TBCK: variants seen among roughly 807,000 people sequenced by gnomAD.
TBCK encodes TBC1 domain containing kinase, also known as TBC domain-containing protein kinase-like protein.
Under a neutral mutation model 113.4 loss-of-function variants are expected in TBCK, and 99 were observed. That is an observed-to-expected ratio of 0.87 (90% CI 0.74 to 1.03). The LOEUF (loss-of-function observed/expected upper bound fraction) is 1.03, where lower values mean the gene tolerates loss of function less well. Among genes scored for constraint, TBCK ranks in the 50% least tolerant of loss-of-function variants. The pLI, the probability that TBCK is intolerant of heterozygous loss-of-function variation, is 0.00. For synonymous variants in TBCK, 369 were observed against 370.8 expected, an observed-to-expected ratio of 1.00 and a Z score of 0.05; for missense variants, 1,045 against 1,061.3, an observed-to-expected ratio of 0.98 and a Z score of 0.21.
rs917082916 is a variant in TBCK at position 106,187,562 on chromosome 4, G to A, written c.2059+6047C>T. On this transcript the variant is annotated intron_variant, in intron 22 of 25. Coordinates refer to ENST00000394708, the MANE Select transcript of TBCK (RefSeq NM_001163435.3). ...CTCCTGAGTAGCCAGAATTACAGGC[G>A]CATGCCACCACGCCCAACTAATTTT... Among the ~76,000 whole-genome samples, 7 of 151,896 alleles carry A rather than the reference G, an allele frequency of 4.6e-5. No individual in the cohort carries two copies. In the East Asian group the frequency reaches 5.8e-4, roughly 13 times the overall value.
intron 6 of TBCK, among the ~76,000 whole-genome samples, chr4:106,250,695 T>C (rs555156647): frequency 6.6e-6 from 1 of 152,128 alleles, no homozygotes; most frequent in South Asian, 2.1e-4. Context: ...AAACATTTTA[T>C]ACATCTAAGG....
At chr4:106,245,482 T>C (rs748412869) in intron 10 of TBCK, among the ~76,000 whole-genome samples, 3 of 152,116 alleles carry the variant, frequency 2.0e-5, no homozygotes, top group East Asian at 3.9e-4. Context: ...AAGCATTCTG[T>C]AGTCAGTCCT....
intron 3 of TBCK, among the ~76,000 whole-genome samples, chr4:106,284,043 T>C (rs576441881): frequency 6.6e-6 from 1 of 152,284 alleles, no homozygotes; most frequent in Admixed American, 6.5e-5. Context: ...CAAAAGTTTG[T>C]TGCAAGATAA....
chr4:106,094,807 T>C (rs1312315789), intron 25 of TBCK, among the ~76,000 whole-genome samples: 1 of 152,224 alleles, frequency 6.6e-6, no homozygotes, highest in East Asian at 1.9e-4. Flanking sequence ...TAGGAGCAGA[T>C]TCTTCCCTTT....
intron 3 of TBCK, among the ~76,000 whole-genome samples, chr4:106,293,988 T>C (rs1236505497): frequency 6.6e-6 from 1 of 152,218 alleles, no homozygotes; most frequent in East Asian, 1.9e-4. Flanking sequence ...AATAAAAGTT[T>C]AGACCACATA....
chr4:106,215,403 T>A lies in TBCK; in HGVS notation c.1775-2568A>T, dbSNP rs911572526. On this transcript the variant is annotated intron_variant, in intron 19 of 25. Coordinates refer to ENST00000394708, the MANE Select transcript of TBCK (RefSeq NM_001163435.3). The stretch of plus-strand genomic sequence containing the variant: ...ATGTAAATGGACTAAAGGCTCCAGT[T>A]AAAAGACACAGACTGGCAAATTGGA... Among the ~76,000 whole-genome samples the A allele has an allele frequency of 2.6e-5, 4 of 152,078 alleles. No homozygotes were observed. In the East Asian group the frequency reaches 7.7e-4, roughly 29 times the overall value.
chr4:106,171,411 C>A (rs958765821), intron 22 of TBCK, 141 bp from the exon 23 acceptor site: 31 of 591,718 alleles, frequency 5.2e-5, no homozygotes, highest in African/African-American at 2.7e-4. Context: ...GTAAAAAAAA[C>A]AATGTATATA....
chr4:106,260,463 A>G lies in TBCK; in HGVS notation c.429T>C (p.His143=). 1 of 1,400,280 alleles carries G rather than the reference A, an allele frequency of 7.1e-7. No homozygotes were observed. The highest frequency in any genetic ancestry group is 9.5e-7 in the Non-Finnish European group (1 of 1,056,818). The allele number at this position is 1,400,280 out of a possible 1,614,324, so 86.7% of individuals were successfully genotyped here. ...AKFGLYHMTA[H]GDDVDFPIGY... Reference sequence around the variant, plus strand: ...CTATTGGGAAATCAACATCATCACCATGAGCTGTCATGTGATAAAGTCCAA... The same window carrying G: ...CTATTGGGAAATCAACATCATCACCGTGAGCTGTCATGTGATAAAGTCCAA... The change falls in exon 5 of 26, where the codon CAT becomes CAC. Residue 143 remains histidine, a synonymous_variant. Transcript: ENST00000394708.
intron 25 of TBCK, among the ~76,000 whole-genome samples, chr4:106,078,221 G>A (rs79684377): frequency 0.017 from 2,570 of 152,058 alleles, 34 homozygotes; most frequent in Middle Eastern, 0.093. Context: ...ATTATACCTC[G>A]AGGAACTATA....
chr4:106,085,993 C>T lies in TBCK; in HGVS notation c.2571+9489G>A, dbSNP rs28884214. ...AGCCCTAAATGTCCACATCAGAAAGCTAAAAAGATCTCAAATCGACACCCT... is the reference window on the plus strand; with the variant it reads ...AGCCCTAAATGTCCACATCAGAAAGTTAAAAAGATCTCAAATCGACACCCT... On this transcript the variant is annotated intron_variant, in intron 25 of 25. Transcript: ENST00000394708. 3.7e-3 allele frequency among the ~76,000 whole-genome samples: 568 copies of T among 152,086 alleles called. 3 individuals are homozygous for T. The highest frequency in any genetic ancestry group is 0.013 in the African/African-American group (540 of 41,506).
chr4:106,060,288 C>G (rs1023437065), intron 25 of TBCK, among the ~76,000 whole-genome samples: 4 of 151,696 alleles, frequency 2.6e-5, no homozygotes, highest in Admixed American at 1.3e-4. Flanking sequence ...GAGATCAATG[C>G]CTGGCTTCAA....
rs1400485418 is a variant in TBCK at position 106,214,237 on chromosome 4, C to A, written c.1775-1402G>T. On this transcript the variant is annotated intron_variant, in intron 19 of 25. Transcript: ENST00000394708. ...ATCTGTACATCACAATCATCAAAGA[C>A]CAAAAGTAGATAAAACCACAAAGAT... 2.6e-5 allele frequency among the ~76,000 whole-genome samples: 4 copies of A among 152,064 alleles called. No individual in the cohort carries two copies. In the South Asian group the frequency reaches 8.3e-4, roughly 32 times the overall value.
intron 22 of TBCK, among the ~76,000 whole-genome samples, chr4:106,178,490 C>T (rs1751952947): frequency 6.6e-6 from 1 of 151,786 alleles, no homozygotes; most frequent in Non-Finnish European, 1.5e-5. Flanking sequence ...GTGTGGTCCT[C>T]TTATACCCAG....
chr4:106,246,382 T>C (rs1262040375), intron 10 of TBCK, among the ~76,000 whole-genome samples: 1 of 152,150 alleles, frequency 6.6e-6, no homozygotes, highest in Non-Finnish European at 1.5e-5. Flanking sequence ...CTGGTGTCAC[T>C]AAACCTTACA....
At chr4:106,303,043 A>T (rs1767114044) in intron 2 of TBCK, among the ~76,000 whole-genome samples, 1 of 152,210 alleles carries the variant, frequency 6.6e-6, no homozygotes. Flanking sequence ...GTTCTCTTTA[A>T]GCAAATTAGA....
At chr4:106,171,900 G>A (rs1242539877) in intron 22 of TBCK, among the ~76,000 whole-genome samples, 2 of 151,856 alleles carry the variant, frequency 1.3e-5, no homozygotes, top group Non-Finnish European at 2.9e-5. Context: ...GTGCAATCAC[G>A]GCTCACTGCA....
chr4:106,177,290 G>T (rs1000717387), intron 22 of TBCK, among the ~76,000 whole-genome samples: 1 of 151,852 alleles, frequency 6.6e-6, no homozygotes, highest in Non-Finnish European at 1.5e-5. Flanking sequence ...TCTGTAGGTT[G>T]TTTCTTCACT....
intron 19 of TBCK, among the ~76,000 whole-genome samples, chr4:106,220,553 C>T (rs982651776): frequency 2.1e-5 from 1 of 46,962 alleles, no homozygotes; most frequent in Admixed American, 2.8e-4. Context: ...AGATGAGGTG[C>T]TGTATTCCAT....
chr4:106,205,152 A>G (rs962272704), intron 20 of TBCK, among the ~76,000 whole-genome samples: 104 of 152,332 alleles, frequency 6.8e-4, no homozygotes, highest in African/African-American at 2.4e-3. Flanking sequence ...AATTTTGGAA[A>G]GCTAATATCT....
Sources: allele counts gnomAD v4.1 joint callset (sites outside exome capture counted in the v4.1 genomes callset), GRCh38; gene constraint gnomAD v4.1.1; transcripts MANE v1.5; gene names NCBI Gene and HGNC (gene_info 2026-07-23, HGNC 2026-07-21).